The following INPP5A variants were observed in gnomAD, a reference collection of about 807,000 sequenced individuals.
INPP5A encodes 43 kDa inositol polyphosphate 5-phophatase.
In INPP5A, 14 loss-of-function variants were observed where a neutral mutation model predicts 65.2. The ratio of observed to expected loss-of-function variants is 0.21; its 90% CI spans 0.14 to 0.34. INPP5A has a LOEUF of 0.34. INPP5A is among the 10% of genes least tolerant of loss of function. The probability of loss-of-function intolerance (pLI) is 1.00; values close to 1 mark genes in which losing one functional copy is unlikely to be tolerated. For synonymous variants in INPP5A, 207 were observed against 208.3 expected, an observed-to-expected ratio of 0.99 and a Z score of 0.05; for missense variants, 431 against 545.6, an observed-to-expected ratio of 0.79 and a Z score of 2.09.
chr10:132,553,697 G>A (rs1427776933), intron 1 of INPP5A, among the ~76,000 whole-genome samples: 1 of 134,884 alleles, frequency 7.4e-6, no homozygotes, highest in African/African-American at 2.8e-5. Flanking sequence ...CCTTGGTGTG[G>A]AATATTGAGT....
At chr10:132,737,811 AAG>A (rs1487626139) in intron 9 of INPP5A, among the ~76,000 whole-genome samples, 1 of 152,260 alleles carries the variant, frequency 6.6e-6, no homozygotes, top group Non-Finnish European at 1.5e-5. Flanking sequence ...TCTGTTTAGA[AAG>A]AGATTTTATT....
intron 9 of INPP5A, among the ~76,000 whole-genome samples, chr10:132,737,318 C>T (rs1400073752): frequency 6.6e-6 from 1 of 152,210 alleles, no homozygotes; most frequent in Admixed American, 6.5e-5. Context: ...TCCTGTAGAG[C>T]CTCAGCACCG....
At chr10:132,759,407 C>T (rs1846690029) in intron 11 of INPP5A, among the ~76,000 whole-genome samples, 1 of 152,268 alleles carries the variant, frequency 6.6e-6, no homozygotes, top group Non-Finnish European at 1.5e-5. Context: ...TGGCTTCTGC[C>T]TCAGGAACTT....
At chr10:132,543,904 C>T (rs999932323) in intron 1 of INPP5A, among the ~76,000 whole-genome samples, 1 of 152,260 alleles carries the variant, frequency 6.6e-6, no homozygotes, top group Non-Finnish European at 1.5e-5. Context: ...TTCCCGCCTT[C>T]CGGTTCTGGT....
intron 1 of INPP5A, among the ~76,000 whole-genome samples, chr10:132,596,987 G>C (rs1564929145): frequency 6.6e-6 from 1 of 151,250 alleles, no homozygotes; most frequent in Admixed American, 6.6e-5. Context: ...GTGTGTGCAT[G>C]CACGTGTGTT....
Position 132,555,012 on chromosome 10 carries a change from A to G in INPP5A, c.75+16841A>G, listed in dbSNP as rs2071108651. Among the ~76,000 whole-genome samples the G allele has an allele frequency of 1.3e-5, 2 of 148,176 alleles. No individual in the cohort carries two copies. Among genetic ancestry groups the G allele is most frequent in the Non-Finnish European group, 3.0e-5 (2 of 67,180 alleles). On this transcript the variant is annotated intron_variant, in intron 1 of 15. Transcript: ENST00000368594. The surrounding 1 kb of genome is among the most constrained non-coding windows in gnomAD (Gnocchi z 4.4). Reference sequence around the variant, plus strand: ...GGTAGCGTGGTTGGTCCCTGTGGGTAGTATGGGTGGCATGGTATTGTGTGT... The same window carrying G: ...GGTAGCGTGGTTGGTCCCTGTGGGTGGTATGGGTGGCATGGTATTGTGTGT...
In INPP5A at chr10:132,707,924, G is replaced by T. The variant is rs116315166; in HGVS notation, c.475-389G>T. On this transcript the variant is annotated intron_variant, in intron 6 of 15. Transcript: ENST00000368594. This position sits in a 1 kb window ranked among gnomAD's most constrained non-coding sequence, Gnocchi z 5.5. ...CTGTCCAGGACGCCTGGCTGGGCAC[G>T]GCTGCTCAAGTCTTCCCTGTGGTCC... Among the ~76,000 whole-genome samples the T allele has an allele frequency of 6.6e-6, 1 of 152,160 alleles. No homozygotes were observed. The highest frequency in any genetic ancestry group is 1.5e-5 in the Non-Finnish European group (1 of 68,030).
At chr10:132,781,309 G>T (rs902201691) in intron 14 of INPP5A, among the ~76,000 whole-genome samples, 1 of 152,138 alleles carries the variant, frequency 6.6e-6, no homozygotes. Flanking sequence ...CCGAGGAGCC[G>T]GGGTGAGGGC....
At chr10:132,739,609 C>T (rs773385423) in intron 9 of INPP5A, among the ~76,000 whole-genome samples, 5 of 152,226 alleles carry the variant, frequency 3.3e-5, no homozygotes, top group Non-Finnish European at 7.3e-5. Flanking sequence ...GGGGACGCAG[C>T]GCTCTCTGGC....
chr10:132,759,669 C>T lies in INPP5A; in HGVS notation c.904-6104C>T, dbSNP rs945575484. On this transcript the variant is annotated intron_variant, in intron 11 of 15. Transcript: ENST00000368594. ...AGGTGGTGGGGGGCTCTCGGGGGTCCGGCTACAGTGAACAGTCTGTGTTCT... is the reference window on the plus strand; with the variant it reads ...AGGTGGTGGGGGGCTCTCGGGGGTCTGGCTACAGTGAACAGTCTGTGTTCT... 6.6e-5 allele frequency among the ~76,000 whole-genome samples: 10 copies of T among 151,412 alleles called. 1 individual carries two copies. In the East Asian group the frequency reaches 7.8e-4, roughly 12 times the overall value.
In INPP5A at chr10:132,587,533, G is replaced by A. The variant is rs1008596054; in HGVS notation, c.76-20382G>A. Reference sequence around the variant, plus strand: ...TCCCTGTAACCAGAGCTGTTGGGACGCGGGGAGCAGGCGAAATTTCTGGGC... The same window carrying A: ...TCCCTGTAACCAGAGCTGTTGGGACACGGGGAGCAGGCGAAATTTCTGGGC... On this transcript the variant is annotated intron_variant, in intron 1 of 15. Coordinates refer to ENST00000368594, the MANE Select transcript of INPP5A (RefSeq NM_005539.5). This position sits in a 1 kb window ranked among gnomAD's most constrained non-coding sequence, Gnocchi z 4.3. 1.3e-5 allele frequency among the ~76,000 whole-genome samples: 2 copies of A among 152,196 alleles called. No homozygotes were observed. Among genetic ancestry groups the A allele is most frequent in the African/African-American group, 2.4e-5 (1 of 41,442 alleles).
chr10:132,646,970 C>T (rs1304191252), intron 3 of INPP5A, among the ~76,000 whole-genome samples: 1 of 152,208 alleles, frequency 6.6e-6, no homozygotes, highest in Non-Finnish European at 1.5e-5. Flanking sequence ...CAGGCGATCC[C>T]AGCCGCTGCA....
At chr10:132,714,763 G>A (rs1845712227) in intron 8 of INPP5A, among the ~76,000 whole-genome samples, 1 of 152,256 alleles carries the variant, frequency 6.6e-6, no homozygotes, top group Admixed American at 6.5e-5. Flanking sequence ...AAAGTCTTCA[G>A]AAGCAGCCCC....
chr10:132,681,166 A>G (rs1311020605), intron 4 of INPP5A, among the ~76,000 whole-genome samples: 1 of 152,192 alleles, frequency 6.6e-6, no homozygotes, highest in African/African-American at 2.4e-5. Context: ...CAGGGATTGT[A>G]AACGCACCAA....
intron 1 of INPP5A, among the ~76,000 whole-genome samples, chr10:132,597,024 C>G (rs1476075924): frequency 7.5e-6 from 1 of 133,966 alleles, no homozygotes; most frequent in Non-Finnish European, 1.6e-5. Flanking sequence ...TACGTGTGTG[C>G]ATGTGTGCAT....
chr10:132,774,833 GGAGA>G (rs1432754831), intron 12 of INPP5A, among the ~76,000 whole-genome samples: 1 of 124,600 alleles, frequency 8.0e-6, no homozygotes, highest in African/African-American at 3.0e-5. Flanking sequence ...GGGGCACGGA[GGAGA>G]GAGGGGTAGG....
intron 2 of INPP5A, among the ~76,000 whole-genome samples, chr10:132,636,210 T>C (rs1007283898): frequency 1.3e-5 from 2 of 150,996 alleles, no homozygotes; most frequent in African/African-American, 4.9e-5. Context: ...CACACACATA[T>C]ATGCAATGTA....
At chr10:132,726,066 G>A (rs554183398) in intron 8 of INPP5A, among the ~76,000 whole-genome samples, 2 of 151,970 alleles carry the variant, frequency 1.3e-5, no homozygotes. Context: ...GTGAGTTGGC[G>A]GTTTCTGAGA....
chr10:132,658,349 C>T (rs930917347), intron 4 of INPP5A, among the ~76,000 whole-genome samples: 4 of 152,202 alleles, frequency 2.6e-5, no homozygotes, highest in African/African-American at 9.7e-5. Context: ...TTATGAGGTG[C>T]TCCTAATCCA....
Sources: gnomAD v4.1 joint callset for allele counts (sites outside exome capture counted in the v4.1 genomes callset) on GRCh38, gnomAD v4.1.1 for gene constraint, Gnocchi (gnomAD v3.1) non-coding constraint, MANE v1.5 for transcripts, NCBI Gene and HGNC (gene_info 2026-07-23, HGNC 2026-07-21) for gene names.